BLTP3B: variants seen among roughly 807,000 people sequenced by gnomAD.
BLTP3B encodes bridge-like lipid transfer protein family member 3B.
the BLTP3B span, among the ~76,000 whole-genome samples, chr12:100,129,175 T>G: frequency 6.7e-6 from 1 of 149,844 alleles, no homozygotes; most frequent in Non-Finnish European, 1.5e-5. Flanking sequence ...CCGAGAATAC[T>G]GAGGCATAAA....
At chr12:100,130,981 G>A in the BLTP3B span, among the ~76,000 whole-genome samples, 1 of 80,408 alleles carries the variant, frequency 1.2e-5, no homozygotes, top group Non-Finnish European at 2.2e-5. Flanking sequence ...GAGAGAGGGA[G>A]GGAGAGAGAG....
At chr12:100,057,792 TTCTA>T in the BLTP3B span, 3 of 1,491,610 alleles carry the variant, frequency 2.0e-6, no homozygotes, top group Non-Finnish European at 2.7e-6. Context: ...GAGAAAAGAA[TTCTA>T]TCTAAAAAAT....
chr12:100,094,123 T>C, the BLTP3B span, among the ~76,000 whole-genome samples: 27 of 152,320 alleles, frequency 1.8e-4, no homozygotes, highest in African/African-American at 6.5e-4. Context: ...TTGTTTGTTT[T>C]CCTTTTTTCT....
chr12:100,052,971 T>G, the BLTP3B span, among the ~76,000 whole-genome samples: 1 of 151,658 alleles, frequency 6.6e-6, no homozygotes, highest in South Asian at 2.1e-4. Flanking sequence ...TTTTTTGTAT[T>G]TTTAGTAGAG....
chr12:100,095,576 T>A, the BLTP3B span: 2 of 1,435,776 alleles, frequency 1.4e-6, no homozygotes, highest in East Asian at 4.6e-5. Context: ...CCTCACAATC[T>A]GTCTCTTAAA....
the BLTP3B span, among the ~76,000 whole-genome samples, chr12:100,137,983 T>C: frequency 1.3e-5 from 2 of 152,126 alleles, no homozygotes; most frequent in African/African-American, 2.4e-5. Context: ...TTCTGAAACC[T>C]GACAGGAGAG....
chr12:100,111,489 T>C, the BLTP3B span, among the ~76,000 whole-genome samples: 1 of 152,010 alleles, frequency 6.6e-6, no homozygotes, highest in Non-Finnish European at 1.5e-5. Flanking sequence ...TCTCACCCTG[T>C]TGCCCAGGCT....
the BLTP3B span, chr12:100,088,899 A>G: frequency 1.3e-6 from 2 of 1,522,238 alleles, no homozygotes; most frequent in African/African-American, 1.4e-5. Context: ...AGTTTGAAAT[A>G]AGCAAGTTAT....
the BLTP3B span, chr12:100,089,194 C>T: frequency 1.3e-5 from 12 of 956,478 alleles, no homozygotes; most frequent in Non-Finnish European, 1.5e-5. Flanking sequence ...GAAAAATAAC[C>T]ATAGTACATC....
the BLTP3B span, chr12:100,093,039 GC>G: frequency 1.2e-6 from 1 of 829,274 alleles, no homozygotes; most frequent in Non-Finnish European, 1.5e-6. Flanking sequence ...GCTCCCAAAT[GC>G]CCATAGGAAA....
chr12:100,071,248 G>A, the BLTP3B span, among the ~76,000 whole-genome samples: 2 of 152,116 alleles, frequency 1.3e-5, no homozygotes, highest in African/African-American at 4.8e-5. Flanking sequence ...TGTAATCCCA[G>A]CACTTCGGGA....
At chr12:100,142,690 T>C in the BLTP3B span, 2 of 1,571,944 alleles carry the variant, frequency 1.3e-6, no homozygotes. Context: ...GCCTCCTCTC[T>C]TCGTGGCCGT....
chr12:100,113,121 T>C, the BLTP3B span, among the ~76,000 whole-genome samples: 1 of 149,156 alleles, frequency 6.7e-6, no homozygotes, highest in African/African-American at 2.5e-5. Context: ...CAGTGAACCA[T>C]GATAGCACCA....
At chr12:100,126,523 A>G in the BLTP3B span, among the ~76,000 whole-genome samples, 2 of 152,130 alleles carry the variant, frequency 1.3e-5, no homozygotes, top group Non-Finnish European at 2.9e-5. Flanking sequence ...ACTCAACTAG[A>G]GGAGCTCTAC....
the BLTP3B span, chr12:100,047,979 C>T: frequency 6.4e-7 from 1 of 1,564,138 alleles, no homozygotes. Flanking sequence ...CTTGTATCTT[C>T]ATTGGCATTA....
the BLTP3B span, among the ~76,000 whole-genome samples, chr12:100,047,152 A>C: frequency 6.6e-6 from 1 of 152,304 alleles, no homozygotes; most frequent in South Asian, 2.1e-4. Context: ...GAAAAGAAAC[A>C]ATCAGTAGGT....
chr12:100,128,234 T>C, the BLTP3B span, among the ~76,000 whole-genome samples: 8 of 152,198 alleles, frequency 5.3e-5, no homozygotes, highest in Non-Finnish European at 1.2e-4. Flanking sequence ...ACCCATTCAT[T>C]TAAAAGTAGA....
the BLTP3B span, among the ~76,000 whole-genome samples, chr12:100,060,493 T>TAA: frequency 2.0e-5 from 3 of 152,298 alleles, no homozygotes; most frequent in African/African-American, 7.2e-5. Flanking sequence ...TTAATCTATA[T>TAA]CTTCTAAAAT....
At chr12:100,093,448 C>T in the BLTP3B span, among the ~76,000 whole-genome samples, 4 of 152,136 alleles carry the variant, frequency 2.6e-5, no homozygotes, top group East Asian at 1.9e-4. Flanking sequence ...TAATAGCTGA[C>T]AATTATTTGA....
Sources: gnomAD v4.1 joint callset for allele counts (sites outside exome capture counted in the v4.1 genomes callset) on GRCh38, gnomAD v4.1.1 for gene constraint, MANE v1.5 for transcripts, NCBI Gene and HGNC (gene_info 2026-07-23, HGNC 2026-07-21) for gene names.